CPEB3: variants seen among roughly 807,000 people sequenced by gnomAD.
The protein encoded by CPEB3 is cytoplasmic polyadenylation element binding protein 3.
CPEB3 carries 20 observed loss-of-function variants against 67.2 expected under a neutral mutation model. The observed-to-expected ratio is 0.30, with a 90% CI of 0.21 to 0.43. The LOEUF (loss-of-function observed/expected upper bound fraction) is 0.43, where lower values mean the gene tolerates loss of function less well. Ranked by LOEUF, CPEB3 falls within the 20% of genes least tolerant of loss-of-function variation. The probability of loss-of-function intolerance (pLI) is 1.00; values close to 1 mark genes in which losing one functional copy is unlikely to be tolerated. For missense variants in CPEB3, 746 were observed against 968.6 expected (o/e 0.77, Z 3.05); for synonymous variants, 376 against 393.1 (o/e 0.96, Z 0.51).
intron 4 of CPEB3, among the ~76,000 whole-genome samples, chr10:92,165,283 G>A (rs1847682811): frequency 6.6e-6 from 1 of 152,048 alleles, no homozygotes; most frequent in African/African-American, 2.4e-5. Context: ...CTGCACTCCA[G>A]CCTGGGTGAC....
intron 4 of CPEB3, among the ~76,000 whole-genome samples, chr10:92,152,224 G>A (rs1200543257): frequency 6.6e-6 from 1 of 151,928 alleles, no homozygotes; most frequent in Non-Finnish European, 1.5e-5. Flanking sequence ...AAAGAAACAC[G>A]ACTTTTTTGA....
intron 2 of CPEB3, among the ~76,000 whole-genome samples, chr10:92,194,043 G>A (rs1269639270): frequency 6.6e-6 from 1 of 151,714 alleles, no homozygotes; most frequent in Non-Finnish European, 1.5e-5. Context: ...TGATCCACCG[G>A]CCTCGGCCTC....
chr10:92,185,416 C>T (rs1014634165), intron 3 of CPEB3, among the ~76,000 whole-genome samples: 5 of 151,980 alleles, frequency 3.3e-5, no homozygotes, highest in African/African-American at 7.3e-5. Flanking sequence ...TATGGTTATT[C>T]GTTCTGTTAA....
chr10:92,062,244 C>CATAA (rs1842384552), intron 9 of CPEB3, among the ~76,000 whole-genome samples: 1 of 119,952 alleles, frequency 8.3e-6, no homozygotes, highest in African/African-American at 3.2e-5. Context: ...GACCCTGTCT[C>CATAA]AAAAAAAAAA....
chr10:92,136,294 G>C (rs1036263556), intron 6 of CPEB3, among the ~76,000 whole-genome samples: 25 of 152,196 alleles, frequency 1.6e-4, no homozygotes, highest in South Asian at 2.1e-4. Flanking sequence ...GATTTCTTGA[G>C]TAATACCCCA....
At chr10:92,152,525 C>A (rs577713957) in intron 4 of CPEB3, among the ~76,000 whole-genome samples, 2 of 152,274 alleles carry the variant, frequency 1.3e-5, no homozygotes, top group South Asian at 2.1e-4. Flanking sequence ...AACTAGCTAT[C>A]TGTCTTATAA....
chr10:92,265,496 C>T (rs938457430), intron 1 of CPEB3, among the ~76,000 whole-genome samples: 8 of 152,084 alleles, frequency 5.3e-5, no homozygotes, highest in African/African-American at 1.9e-4. Flanking sequence ...GTGGCTCATG[C>T]CTGTAATCCC....
intron 9 of CPEB3, among the ~76,000 whole-genome samples, chr10:92,063,214 C>T (rs1842423406): frequency 6.6e-6 from 1 of 152,168 alleles, no homozygotes; most frequent in African/African-American, 2.4e-5. Flanking sequence ...TTTGTTATTA[C>T]TCAAAAAACT....
chr10:92,161,539 T>C (rs751622709), intron 4 of CPEB3, among the ~76,000 whole-genome samples: 35 of 151,794 alleles, frequency 2.3e-4, no homozygotes, highest in Admixed American at 1.2e-3. Flanking sequence ...TCCCAAAGTA[T>C]TGGAATTACA....
At chr10:92,206,989 CT>C (rs912406970) in intron 2 of CPEB3, among the ~76,000 whole-genome samples, 3 of 150,356 alleles carry the variant, frequency 2.0e-5, no homozygotes, top group Non-Finnish European at 3.0e-5. Context: ...TTCTTTTTTC[CT>C]TTTTTTTTGT....
chr10:92,196,150 C>A (rs1849228181), intron 2 of CPEB3, among the ~76,000 whole-genome samples: 1 of 152,124 alleles, frequency 6.6e-6, no homozygotes, highest in African/African-American at 2.4e-5. Flanking sequence ...TAATTTAAAA[C>A]AAAATAAATT....
intron 3 of CPEB3, 35 bp downstream of exon 3, chr10:92,192,436 TAAAACA>T: frequency 6.5e-7 from 1 of 1,548,704 alleles, no homozygotes; most frequent in African/African-American, 1.4e-5. Flanking sequence ...GATTTTTGCT[TAAAACA>T]CCAAGCAAGA....
At chr10:92,072,338 A>C (rs1398335200) in intron 9 of CPEB3, among the ~76,000 whole-genome samples, 1 of 152,150 alleles carries the variant, frequency 6.6e-6, no homozygotes, top group East Asian at 1.9e-4. Context: ...TACTTAATGG[A>C]ACTGAATAAA....
At chr10:92,073,608 TA>T (rs1223444874) in intron 9 of CPEB3, among the ~76,000 whole-genome samples, 8 of 151,306 alleles carry the variant, frequency 5.3e-5, no homozygotes, top group Admixed American at 1.3e-4. Flanking sequence ...CTGGCTAATT[TA>T]AAAAAAAAAT....
At chr10:92,124,654 A>C (rs940360994) in intron 6 of CPEB3, among the ~76,000 whole-genome samples, 3 of 152,202 alleles carry the variant, frequency 2.0e-5, no homozygotes, top group Non-Finnish European at 4.4e-5. Flanking sequence ...AAGATGACGA[A>C]CTGCAAAAGG....
At chr10:92,190,520 C>G (rs1848917975) in intron 3 of CPEB3, among the ~76,000 whole-genome samples, 1 of 151,608 alleles carries the variant, frequency 6.6e-6, no homozygotes, top group South Asian at 2.1e-4. Flanking sequence ...ACAAAATTAG[C>G]TGGGTGTAGT....
At chr10:92,095,165 A>G (rs1224940319) in intron 7 of CPEB3, among the ~76,000 whole-genome samples, 2 of 151,008 alleles carry the variant, frequency 1.3e-5, no homozygotes, top group African/African-American at 4.9e-5. Flanking sequence ...CCACTCCCCA[A>G]CCCCCGATCT....
chr10:92,162,927 A>T (rs1186110637), intron 4 of CPEB3, among the ~76,000 whole-genome samples: 2 of 152,160 alleles, frequency 1.3e-5, no homozygotes, highest in East Asian at 3.9e-4. Flanking sequence ...TACGCCCCCT[A>T]GCCCCACACT....
At chr10:92,273,185 T>C (rs1178717299) in intron 1 of CPEB3, among the ~76,000 whole-genome samples, 1 of 152,224 alleles carries the variant, frequency 6.6e-6, no homozygotes, top group Admixed American at 6.5e-5. Flanking sequence ...TCATATATTA[T>C]ATTTTATTCT....
Sources: gnomAD v4.1 joint callset for allele counts (sites outside exome capture counted in the v4.1 genomes callset) on GRCh38, gnomAD v4.1.1 for gene constraint, MANE v1.5 for transcripts, NCBI Gene and HGNC (gene_info 2026-07-23, HGNC 2026-07-21) for gene names.